NRG1: variants seen among roughly 807,000 people sequenced by gnomAD.
NRG1 encodes pro-neuregulin-1, membrane-bound isoform.
NRG1 carries 18 observed loss-of-function variants against 63.8 expected under a neutral mutation model. The observed-to-expected ratio is 0.28, with a 90% CI of 0.19 to 0.42. The LOEUF is 0.42. Ranked by LOEUF, NRG1 falls within the 10% of genes least tolerant of loss-of-function variation. The pLI is 1.00. For missense variants in NRG1, 762 were observed against 814.7 expected, an observed-to-expected ratio of 0.94 and a Z score of 0.79; for synonymous variants, 302 against 301.3, an observed-to-expected ratio of 1.00 and a Z score of -0.02.
chr8:32,614,026 G>A (rs1846852403), intron 3 of NRG1, among the ~76,000 whole-genome samples: 1 of 151,958 alleles, frequency 6.6e-6, no homozygotes, highest in Non-Finnish European at 1.5e-5. Context: ...ATTCTCACTG[G>A]CAATTTTAAA....
chr8:32,460,548 C>A (rs1822178637), intron 1 of NRG1, among the ~76,000 whole-genome samples: 1 of 152,182 alleles, frequency 6.6e-6, no homozygotes, highest in African/African-American at 2.4e-5. Context: ...CTAGTCACAT[C>A]TTCTCATCTT....
intron 1 of NRG1, among the ~76,000 whole-genome samples, chr8:32,575,235 G>T (rs2466077): frequency 0.54 from 81,779 of 151,956 alleles, 22,299 homozygotes; most frequent in East Asian, 0.83. Flanking sequence ...TTCATGATAT[G>T]TCATTCTTGG....
At position 32,382,207 on chromosome 8, in the gene NRG1, G is replaced by T. The variant is rs1470394237; in HGVS notation, c.38-213621G>T. Among the ~76,000 whole-genome samples the T allele has an allele frequency of 2.0e-5, 3 of 152,064 alleles. No homozygotes were observed. The East Asian group carries it at 5.8e-4, about 29-fold the overall frequency. On this transcript the variant is annotated intron_variant, in intron 1 of 10. Transcript: ENST00000519301. ...GATTTAAAGAGTATAACTTTCCAAG[G>T]TGACAAATTTAGCAGGTGTCAGAAT...
At chr8:32,768,153 G>GT, downstream of NRG1, among the ~76,000 whole-genome samples, 1 of 152,114 alleles carries the variant, frequency 6.6e-6, no homozygotes, top group Admixed American at 6.6e-5. Flanking sequence ...TACCAATGCT[G>GT]TTTATCACTT....
At chr8:31,972,156 C>T (rs1037142691) in intron 1 of NRG1, among the ~76,000 whole-genome samples, 4 of 152,200 alleles carry the variant, frequency 2.6e-5, no homozygotes, top group Admixed American at 6.5e-5. Flanking sequence ...ATAATCTATC[C>T]TTCAGAGGCT....
At chr8:32,476,214 G>A (rs976986795) in intron 1 of NRG1, among the ~76,000 whole-genome samples, 4 of 152,168 alleles carry the variant, frequency 2.6e-5, no homozygotes, top group South Asian at 2.1e-4. Context: ...GGGGAAAAAA[G>A]GGACCAATGA....
chr8:32,551,179 C>T (rs192609843), intron 1 of NRG1, among the ~76,000 whole-genome samples: 2 of 152,200 alleles, frequency 1.3e-5, no homozygotes, highest in Admixed American at 6.5e-5. Flanking sequence ...GAGAAAAACC[C>T]ACACTCTAGG....
At chr8:32,340,148 T>C (rs1322769402) in intron 1 of NRG1, among the ~76,000 whole-genome samples, 1 of 152,196 alleles carries the variant, frequency 6.6e-6, no homozygotes, top group Non-Finnish European at 1.5e-5. Flanking sequence ...TGGCATTTAA[T>C]GAAATATCTG....
At chr8:31,693,891 G>C (rs1467308416) in intron 1 of NRG1, among the ~76,000 whole-genome samples, 1 of 152,034 alleles carries the variant, frequency 6.6e-6, no homozygotes, top group Non-Finnish European at 1.5e-5. Context: ...AGGCTGGAGG[G>C]CAGTGGCGAG....
chr8:32,440,972 A>G (rs772519943), intron 1 of NRG1, among the ~76,000 whole-genome samples: 20 of 152,196 alleles, frequency 1.3e-4, no homozygotes, highest in Non-Finnish European at 2.4e-4. Flanking sequence ...TGTATTTATT[A>G]GAAAAGATCT....
At chr8:32,455,471 A>G (rs1255439069) in intron 1 of NRG1, among the ~76,000 whole-genome samples, 1 of 152,182 alleles carries the variant, frequency 6.6e-6, no homozygotes, top group Non-Finnish European at 1.5e-5. Flanking sequence ...AGTTCTGTGA[A>G]TTTCATCACA....
chr8:32,353,382 A>G (rs1805900166), intron 1 of NRG1, among the ~76,000 whole-genome samples: 1 of 151,660 alleles, frequency 6.6e-6, no homozygotes, highest in Non-Finnish European at 1.5e-5. Context: ...ATAAAACTGT[A>G]AATTTACAAT....
At chr8:31,934,697 CT>C (rs1835156894) in intron 1 of NRG1, among the ~76,000 whole-genome samples, 1 of 152,098 alleles carries the variant, frequency 6.6e-6, no homozygotes, top group Admixed American at 6.6e-5. Flanking sequence ...CTGATAGCTA[CT>C]ATTTAATGAA....
At chr8:32,301,986 A>G (rs926787962) in intron 1 of NRG1, among the ~76,000 whole-genome samples, 1 of 152,160 alleles carries the variant, frequency 6.6e-6, no homozygotes, top group Non-Finnish European at 1.5e-5. Context: ...GAGTGAATGT[A>G]CCTGCATCCC....
chr8:32,092,292 C>T (rs1829276430), intron 1 of NRG1, among the ~76,000 whole-genome samples: 2 of 151,228 alleles, frequency 1.3e-5, no homozygotes, highest in Admixed American at 6.6e-5. Context: ...CTTGTCTCTA[C>T]AAAAAATAGA....
At chr8:31,704,423 A>G (rs1295873139) in intron 1 of NRG1, among the ~76,000 whole-genome samples, 1 of 152,184 alleles carries the variant, frequency 6.6e-6, no homozygotes, top group Non-Finnish European at 1.5e-5. Flanking sequence ...TATTAAATGG[A>G]CCCAGGCTAT....
At chr8:32,482,757 C>T (rs1825459703) in intron 1 of NRG1, among the ~76,000 whole-genome samples, 1 of 152,168 alleles carries the variant, frequency 6.6e-6, no homozygotes, top group Middle Eastern at 3.4e-3. Flanking sequence ...CAGACTCTTT[C>T]GAGTGTTGAA....
chr8:32,503,002 G>A (rs1439219967), intron 1 of NRG1, among the ~76,000 whole-genome samples: 1 of 151,910 alleles, frequency 6.6e-6, no homozygotes. Context: ...GAAGTCAAAA[G>A]TAGCCGGGCG....
At chr8:32,326,361 G>A (rs775351866) in intron 1 of NRG1, among the ~76,000 whole-genome samples, 1 of 149,382 alleles carries the variant, frequency 6.7e-6, no homozygotes, top group Non-Finnish European at 1.5e-5. Context: ...ACCCAGGCTG[G>A]AGTGTAGTGG....
Sources: allele counts gnomAD v4.1 joint callset (sites outside exome capture counted in the v4.1 genomes callset), GRCh38; gene constraint gnomAD v4.1.1; transcripts MANE v1.5; gene names NCBI Gene and HGNC (gene_info 2026-07-23, HGNC 2026-07-21).